ATP13A2: variants seen among roughly 807,000 people sequenced by gnomAD.
The protein encoded by ATP13A2 is ATPase cation transporting 13A2.
Under a neutral mutation model 138.3 loss-of-function variants are expected in ATP13A2, and 83 were observed. The observed-to-expected ratio is 0.60, with a 90% CI of 0.50 to 0.72. ATP13A2 has a LOEUF of 0.72. Ranked by LOEUF, ATP13A2 falls within the 30% of genes least tolerant of loss-of-function variation. ATP13A2 has a pLI of 0.00. For missense variants in ATP13A2, 1,402 were observed against 1,606.4 expected, an observed-to-expected ratio of 0.87 and a Z score of 2.17; for synonymous variants, 663 against 699.0, an observed-to-expected ratio of 0.95 and a Z score of 0.81.
intron 1 of ATP13A2, among the ~76,000 whole-genome samples, chr1:17,007,338 G>A (rs1214295928): frequency 6.6e-6 from 1 of 152,164 alleles, no homozygotes; most frequent in Admixed American, 6.5e-5. Flanking sequence ...ACCACCTGGA[G>A]CACCTTTTAC....
rs760443267 is a variant in ATP13A2, at chr1:16,996,119, C to T, written c.1399G>A (p.Val467Met). 1.5e-5 allele frequency: 25 copies of T among 1,613,978 alleles called. No individual in the cohort carries two copies. The highest frequency in any genetic ancestry group is 3.3e-5 in the South Asian group (3 of 91,092). The change falls in exon 15 of 29, where the codon GTG becomes ATG. Residue 467 changes from valine (V) to methionine (M), a missense_variant. Coordinates refer to ENST00000326735, the MANE Select transcript of ATP13A2 (RefSeq NM_022089.4). Reference protein sequence around the residue: ...IVIRALDLVTVVVPPALPAAM... With the variant: ...IVIRALDLVTMVVPPALPAAM... Reference sequence around the variant, plus strand: ...GCAGGCAGGGCAGGTGGCACCACCACGGTCACCAGGTCGAGAGCCCGGATT... The same window carrying T: ...GCAGGCAGGGCAGGTGGCACCACCATGGTCACCAGGTCGAGAGCCCGGATT...
In ATP13A2 at chr1:16,988,313, C is replaced by T. The variant is rs1570769698; in HGVS notation, c.2762+9G>A. ...TGAGCCCTCACCCACCGGTCCCTGC[C>T]TGCCTTACCTGATGACCATGGGCAC... On this transcript the variant is annotated intron_variant, in intron 24 of 28. Coordinates refer to ENST00000326735, the MANE Select transcript of ATP13A2 (RefSeq NM_022089.4). The T allele has an allele frequency of 4.3e-6, 7 of 1,614,218 alleles. No homozygotes were observed. Among genetic ancestry groups the T allele is most frequent in the Non-Finnish European group, 5.9e-6 (7 of 1,180,044 alleles).
Position 16,999,995 on chromosome 1 carries a change from G to A in ATP13A2, c.1039+16C>T. ...AGGGGAGGAAGGAAGCTGCAGGCCAGGGGCTGGGGGCTCACCTGTCAGAGA... is the reference window on the plus strand; with the variant it reads ...AGGGGAGGAAGGAAGCTGCAGGCCAAGGGCTGGGGGCTCACCTGTCAGAGA... On this transcript the variant is annotated intron_variant, in intron 11 of 28. Coordinates refer to ENST00000326735, the MANE Select transcript of ATP13A2 (RefSeq NM_022089.4). The A allele has an allele frequency of 6.3e-7, 1 of 1,594,460 alleles. No individual in the cohort carries two copies.
Position 16,986,570 on chromosome 1 carries a change from C to T in ATP13A2, c.3298G>A (p.Gly1100Ser), listed in dbSNP as rs372810630. ...SVLVGLVLVP[G>S]LLQGPLALRN... Reference sequence around the variant, plus strand: ...AGCGCCAGCGGCCCCTGCAGGAGGCCGGGGACCAGGACAAGGCCCACCAGG... The same window carrying T: ...AGCGCCAGCGGCCCCTGCAGGAGGCTGGGGACCAGGACAAGGCCCACCAGG... The change falls in exon 28 of 29, where the codon GGC (glycine) becomes AGC (serine). Residue 1100 changes from glycine to serine, a missense_variant. Gly to Ser is a moderately conservative substitution (Grantham distance 56). Coordinates refer to ENST00000326735, the MANE Select transcript of ATP13A2 (RefSeq NM_022089.4). This position sits in a 1 kb window ranked among gnomAD's most constrained non-coding sequence, Gnocchi z 6.9. 27 of 1,612,034 alleles carry T rather than the reference C, an allele frequency of 1.7e-5. No homozygotes were observed. Among genetic ancestry groups the T allele is most frequent in the Non-Finnish European group, 2.1e-5 (25 of 1,179,794 alleles).
rs767385055 is a variant in ATP13A2 at position 16,995,932 on chromosome 1, G to A, written c.1542+44C>T. The stretch of plus-strand genomic sequence containing the variant: ...GTGTGGAGGCCTCACTGGGGCGCCT[G>A]TGGCTGTCCCGCTCCCCTGCACCAA... On this transcript the variant is annotated intron_variant, in intron 15 of 28. Coordinates refer to ENST00000326735, the MANE Select transcript of ATP13A2 (RefSeq NM_022089.4). This position sits in a 1 kb window ranked among gnomAD's most constrained non-coding sequence, Gnocchi z 4.1. The A allele has an allele frequency of 2.0e-5, 33 of 1,611,572 alleles. No individual in the cohort carries two copies. The highest frequency in any genetic ancestry group is 2.7e-5 in the African/African-American group (2 of 74,894).
chr1:16,997,422 G>C (rs981670927), intron 11 of ATP13A2, among the ~76,000 whole-genome samples: 1 of 131,458 alleles, frequency 7.6e-6, no homozygotes, highest in Non-Finnish European at 1.6e-5. Flanking sequence ...AGCGGGGGGG[G>C]GTGGGTCAGA....
rs2077460654 is a variant in ATP13A2, at chr1:17,004,011, C to T, written c.557+321G>A. Among the ~76,000 whole-genome samples the T allele has an allele frequency of 6.6e-6, 1 of 152,114 alleles. No homozygotes were observed. Among genetic ancestry groups the T allele is most frequent in the South Asian group, 2.1e-4 (1 of 4,824 alleles). ...TGTAGGTGGCAGAGCAGTGACTAAA[C>T]CCCAAGCAGACAGTCTGAGTACAGA... On this transcript the variant is annotated intron_variant, in intron 6 of 28. Coordinates refer to ENST00000326735, the MANE Select transcript of ATP13A2 (RefSeq NM_022089.4). The surrounding 1 kb of genome is among the most constrained non-coding windows in gnomAD (Gnocchi z 4.1).
intron 20 of ATP13A2, among the ~76,000 whole-genome samples, chr1:16,991,141 G>T (rs2076914922): frequency 6.6e-6 from 1 of 152,096 alleles, no homozygotes; most frequent in Non-Finnish European, 1.5e-5. Context: ...AGTAGAGACG[G>T]GGTTTCACTA....
intron 20 of ATP13A2, among the ~76,000 whole-genome samples, chr1:16,991,035 C>T (rs1168911485): frequency 6.6e-6 from 1 of 151,508 alleles, no homozygotes; most frequent in Non-Finnish European, 1.5e-5. Context: ...CTGCAACCTC[C>T]ACCTCCCGGG....
rs2077008709 is a variant in ATP13A2, at chr1:16,993,551, A to T, written c.1749+78T>A. On this transcript the variant is annotated intron_variant, in intron 16 of 28. Transcript: ENST00000326735. ...GCATAATAAGAGACCACCCTGAAAG[A>T]TGGAGAGGGAAGACAGGGTGGGATT... 3 of 1,362,880 alleles carry T rather than the reference A, an allele frequency of 2.2e-6. No individual in the cohort carries two copies. The East Asian group carries it at 7.5e-5, about 34-fold the overall frequency. 84.4% of individuals were successfully genotyped at this position (1,362,880 alleles called of 1,614,324 possible).
Position 17,005,677 on chromosome 1 carries a change from C to T in ATP13A2, c.105+7G>A. 2 of 1,613,836 alleles carry T rather than the reference C, an allele frequency of 1.2e-6. No individual in the cohort carries two copies. Among genetic ancestry groups the T allele is most frequent in the Non-Finnish European group, 1.7e-6 (2 of 1,179,882 alleles). ...CAGCTTTTCCCCACCCCACTCTGCCCACTTACCACGGATGAAACTGAGGAG... is the reference window on the plus strand; with the variant it reads ...CAGCTTTTCCCCACCCCACTCTGCCTACTTACCACGGATGAAACTGAGGAG... On this transcript the variant is annotated splice_region_variant and intron_variant, in intron 2 of 28. Coordinates refer to ENST00000326735, the MANE Select transcript of ATP13A2 (RefSeq NM_022089.4).
intron 1 of ATP13A2, among the ~76,000 whole-genome samples, chr1:17,008,048 T>G (rs1467185518): frequency 1.3e-5 from 2 of 151,654 alleles, no homozygotes; most frequent in African/African-American, 4.9e-5. Context: ...TTTCATTCAT[T>G]CATTCATTCA....
intron 1 of ATP13A2, 75 bp from the exon 2 acceptor site, chr1:17,005,853 G>A: frequency 7.0e-7 from 1 of 1,426,202 alleles, no homozygotes; most frequent in Non-Finnish European, 9.6e-7. Context: ...ATAAACATCA[G>A]CCTGGGCGCG....
chr1:16,986,170 G>C lies in ATP13A2; in HGVS notation c.*51C>G, dbSNP rs1280300435. ...GGTGTTGCTGGAGAGGGGTCCAGTTGGTGGCTCAGAGGCAGGGAGTTCCAG... is the reference window on the plus strand; with the variant it reads ...GGTGTTGCTGGAGAGGGGTCCAGTTCGTGGCTCAGAGGCAGGGAGTTCCAG... On this transcript the variant is annotated 3_prime_UTR_variant, in exon 29 of 29. Transcript: ENST00000326735. This position sits in a 1 kb window ranked among gnomAD's most constrained non-coding sequence, Gnocchi z 6.9. 6.2e-7 allele frequency: 1 copy of C among 1,611,570 alleles called. No homozygotes were observed. Among genetic ancestry groups the C allele is most frequent in the African/African-American group, 1.3e-5 (1 of 74,874 alleles).
chr1:17,011,608 C>T lies in ATP13A2; in HGVS notation c.10+121G>A, dbSNP rs1030912935. ...GGCCAGGATCCCCAACCAGGTCCCG[C>T]TTCCTGGGCTCGCGACCCCGCGGTG... is the stretch of plus-strand genomic sequence containing the variant. On this transcript the variant is annotated intron_variant, in intron 1 of 28. Coordinates refer to ENST00000326735, the MANE Select transcript of ATP13A2 (RefSeq NM_022089.4). This position sits in a 1 kb window ranked among gnomAD's most constrained non-coding sequence, Gnocchi z 7.3. The T allele has an allele frequency of 7.7e-7, 1 of 1,293,166 alleles. No individual in the cohort carries two copies. Among genetic ancestry groups the T allele is most frequent in the Non-Finnish European group, 1.0e-6 (1 of 996,358 alleles). 80.1% of individuals were successfully genotyped at this position (1,293,166 alleles called of 1,614,324 possible).
chr1:17,000,701 G>T, intron 8 of ATP13A2, 167 bp from the exon 9 acceptor site: 1 of 861,416 alleles, frequency 1.2e-6, no homozygotes, highest in Non-Finnish European at 1.7e-6. Flanking sequence ...GACATCCCCA[G>T]GGCCCTCAGT....
intron 8 of ATP13A2, among the ~76,000 whole-genome samples, chr1:17,001,263 C>CAAAAAAAAAA (rs376331099): frequency 4.0e-5 from 5 of 124,022 alleles, no homozygotes; most frequent in African/African-American, 1.3e-4. Flanking sequence ...ACTAAAAATA[C>CAAAAAAAAAA]AAAAAAAAAA....
intron 1 of ATP13A2, among the ~76,000 whole-genome samples, chr1:17,008,489 G>C (rs1188188093): frequency 6.6e-6 from 1 of 151,018 alleles, no homozygotes; most frequent in African/African-American, 2.4e-5. Flanking sequence ...TGAAGTTCCT[G>C]GGGGGGTTGC....
Position 17,005,631 on chromosome 1 carries a change from G to A in ATP13A2, c.105+53C>T, listed in dbSNP as rs1188860117. ...AGTAGGAAGTTGGGGTGTCTGGGTG[G>A]GCCTGGGCATTCACCCCCTGCAGCT... On this transcript the variant is annotated intron_variant, in intron 2 of 28. Transcript: ENST00000326735. 5 of 1,612,874 alleles carry A rather than the reference G, an allele frequency of 3.1e-6. No homozygotes were observed. The African/African-American group carries it at 4.0e-5, about 13-fold the overall frequency.
Sources: allele counts gnomAD v4.1 joint callset (sites outside exome capture counted in the v4.1 genomes callset), GRCh38; gene constraint gnomAD v4.1.1; non-coding constraint Gnocchi (gnomAD v3.1); transcripts MANE v1.5; gene names NCBI Gene and HGNC (gene_info 2026-07-23, HGNC 2026-07-21).